BRINP3: variants seen among roughly 807,000 people sequenced by gnomAD.
BRINP3 encodes BMP/retinoic acid-inducible neural-specific protein 3.
Under a neutral mutation model 71.0 loss-of-function variants are expected in BRINP3, and 19 were observed. That is an observed-to-expected ratio of 0.27 (90% CI 0.19 to 0.39). BRINP3 has a LOEUF of 0.39. BRINP3 is among the 10% of genes least tolerant of loss of function. BRINP3 has a pLI of 1.00. For synonymous variants in BRINP3, 380 were observed against 337.7 expected (o/e 1.13, Z -1.37); for missense variants, 959 against 940.8 (o/e 1.02, Z -0.25).
chr1:190,261,564 G>C (rs1451015054), intron 4 of BRINP3, among the ~76,000 whole-genome samples: 1 of 152,038 alleles, frequency 6.6e-6, no homozygotes, highest in Non-Finnish European at 1.5e-5. Context: ...AAGAATTAGC[G>C]TGATAAAAGC....
intron 2 of BRINP3, among the ~76,000 whole-genome samples, chr1:190,367,051 C>T (rs1264703077): frequency 6.6e-6 from 1 of 152,216 alleles, no homozygotes; most frequent in Non-Finnish European, 1.5e-5. Flanking sequence ...TAATGGCCCT[C>T]TTCTCACAGC....
intron 2 of BRINP3, among the ~76,000 whole-genome samples, chr1:190,375,943 C>T (rs1670156989): frequency 6.6e-6 from 1 of 151,752 alleles, no homozygotes; most frequent in Non-Finnish European, 1.5e-5. Context: ...ATGTAATCTC[C>T]ATCATAATAA....
At chr1:190,119,586 CCT>C (rs1286848881) in intron 7 of BRINP3, among the ~76,000 whole-genome samples, 4 of 152,006 alleles carry the variant, frequency 2.6e-5, no homozygotes, top group Non-Finnish European at 4.4e-5. Context: ...CGTGCCCAGC[CCT>C]CTTTTTACTT....
chr1:190,232,682 T>C (rs565719021), intron 5 of BRINP3, among the ~76,000 whole-genome samples: 182 of 152,254 alleles, frequency 1.2e-3, no homozygotes, highest in African/African-American at 4.3e-3. Flanking sequence ...TCCAGAGAGA[T>C]AGGGGACTGA....
chr1:190,258,313 G>T (rs1322264583), intron 4 of BRINP3, among the ~76,000 whole-genome samples: 2 of 152,182 alleles, frequency 1.3e-5, no homozygotes, highest in South Asian at 2.1e-4. Flanking sequence ...ATATAATCTG[G>T]TGTGTCATTT....
intron 2 of BRINP3, among the ~76,000 whole-genome samples, chr1:190,439,417 C>T (rs1674672630): frequency 6.6e-6 from 1 of 151,770 alleles, no homozygotes; most frequent in South Asian, 2.1e-4. Flanking sequence ...TGGCATAAGA[C>T]TATTTTATAT....
At chr1:190,446,432 A>G (rs1412862298) in intron 2 of BRINP3, among the ~76,000 whole-genome samples, 1 of 152,074 alleles carries the variant, frequency 6.6e-6, no homozygotes, top group African/African-American at 2.4e-5. Context: ...TCAATATAAC[A>G]TACAAGAAAT....
intron 2 of BRINP3, among the ~76,000 whole-genome samples, chr1:190,453,290 G>A (rs1571352251): frequency 1.5e-5 from 2 of 130,832 alleles, no homozygotes; most frequent in East Asian, 4.6e-4. Flanking sequence ...GCGCGATCTC[G>A]GCTCACTGCA....
intron 5 of BRINP3, among the ~76,000 whole-genome samples, chr1:190,227,604 T>C (rs1657521121): frequency 6.6e-6 from 1 of 151,934 alleles, no homozygotes; most frequent in Admixed American, 6.6e-5. Flanking sequence ...AACAATTATA[T>C]TAAGTTCACA....
chr1:190,110,428 T>A (rs1652564595), intron 7 of BRINP3, among the ~76,000 whole-genome samples: 1 of 152,200 alleles, frequency 6.6e-6, no homozygotes, highest in Non-Finnish European at 1.5e-5. Flanking sequence ...GCAGCCCAGA[T>A]AAACTTTGGA....
At chr1:190,237,389 T>C (rs922262493) in intron 4 of BRINP3, among the ~76,000 whole-genome samples, 1 of 151,484 alleles carries the variant, frequency 6.6e-6, no homozygotes, top group African/African-American at 2.4e-5. Flanking sequence ...TTCTTTAAAA[T>C]AATAATAAAA....
chr1:190,409,109 A>C (rs1171147), intron 2 of BRINP3, among the ~76,000 whole-genome samples: 1 of 151,694 alleles, frequency 6.6e-6, no homozygotes, highest in South Asian at 2.1e-4. Flanking sequence ...AGGTTTAAAA[A>C]CCTTCTATCC....
chr1:190,417,647 G>T (rs1342847217), intron 2 of BRINP3, among the ~76,000 whole-genome samples: 1 of 151,938 alleles, frequency 6.6e-6, no homozygotes, highest in Non-Finnish European at 1.5e-5. Flanking sequence ...TAAATAATTG[G>T]CCCATCTCTA....
chr1:190,316,156 A>T (rs922412494), intron 2 of BRINP3, among the ~76,000 whole-genome samples: 6 of 151,996 alleles, frequency 3.9e-5, no homozygotes, highest in Non-Finnish European at 8.8e-5. Flanking sequence ...GAAAATCAGC[A>T]TTGGAAAGTT....
At chr1:190,102,146 A>T (rs1461050113) in intron 7 of BRINP3, among the ~76,000 whole-genome samples, 3 of 152,128 alleles carry the variant, frequency 2.0e-5, no homozygotes, top group Non-Finnish European at 2.9e-5. Context: ...TAGATTTTTC[A>T]AGAAAGAAGA....
At chr1:190,363,054 C>G (rs1669251166) in intron 2 of BRINP3, among the ~76,000 whole-genome samples, 1 of 151,850 alleles carries the variant, frequency 6.6e-6, no homozygotes, top group African/African-American at 2.4e-5. Flanking sequence ...CTGAGTGAAC[C>G]CAACCTAACC....
At chr1:190,112,984 A>G (rs901932635) in intron 7 of BRINP3, among the ~76,000 whole-genome samples, 3 of 152,160 alleles carry the variant, frequency 2.0e-5, no homozygotes, top group Non-Finnish European at 2.9e-5. Context: ...TTTCAGCTAT[A>G]AAATAAACTG....
intron 2 of BRINP3, among the ~76,000 whole-genome samples, chr1:190,360,053 A>G (rs1485997545): frequency 2.0e-5 from 3 of 152,212 alleles, no homozygotes; most frequent in Admixed American, 6.6e-5. Context: ...AGGCAGTGAC[A>G]CAGGTGTCAA....
intron 1 of BRINP3, among the ~76,000 whole-genome samples, chr1:190,472,148 C>T (rs1301638422): frequency 1.3e-5 from 2 of 151,558 alleles, no homozygotes; most frequent in Non-Finnish European, 1.5e-5. Context: ...TTTAAAGCAT[C>T]CATATCTCTT....
Sources: allele counts gnomAD v4.1 joint callset (sites outside exome capture counted in the v4.1 genomes callset), GRCh38; gene constraint gnomAD v4.1.1; transcripts MANE v1.5; gene names NCBI Gene and HGNC (gene_info 2026-07-23, HGNC 2026-07-21).